The following CRPPA variants were observed in gnomAD, a reference collection of about 807,000 sequenced individuals.
The protein encoded by CRPPA is D-ribitol-5-phosphate cytidylyltransferase.
Under a neutral mutation model 52.0 loss-of-function variants are expected in CRPPA, and 43 were observed. The ratio of observed to expected loss-of-function variants is 0.83; its 90% CI spans 0.65 to 1.07. The LOEUF (loss-of-function observed/expected upper bound fraction) is 1.07, where lower values mean the gene tolerates loss of function less well. CRPPA is among the 50% of genes least tolerant of loss of function. The probability of loss-of-function intolerance (pLI) is 0.00; values close to 1 mark genes in which losing one functional copy is unlikely to be tolerated. For missense variants in CRPPA, 629 were observed against 551.7 expected, an observed-to-expected ratio of 1.14 and a Z score of -1.40; for synonymous variants, 250 against 203.5, an observed-to-expected ratio of 1.23 and a Z score of -1.94.
At chr7:16,389,874 C>A (rs551956823) in intron 2 of CRPPA, among the ~76,000 whole-genome samples, 2 of 113,956 alleles carry the variant, frequency 1.8e-5, no homozygotes, top group African/African-American at 3.5e-5. Flanking sequence ...TTAGAAGAAG[C>A]GAGTTGTCAG....
At position 16,404,679 on chromosome 7, in the gene CRPPA, T is replaced by C. The variant is rs1386611877; in HGVS notation, c.534+1382A>G. Among the ~76,000 whole-genome samples, 3 of 152,054 alleles carry C rather than the reference T, an allele frequency of 2.0e-5. No individual in the cohort carries two copies. In the East Asian group the frequency reaches 5.8e-4, roughly 29 times the overall value. ...CAATGAATGCCCATCTACCAAATTG[T>C]ATTGTCATCCCTAAGAACTCTTCCA... On this transcript the variant is annotated intron_variant, in intron 2 of 9. Transcript: ENST00000407010.
In CRPPA at chr7:16,224,346, C is replaced by T. The variant is rs572249223; in HGVS notation, c.1120-8149G>A. 5.3e-5 allele frequency among the ~76,000 whole-genome samples: 8 copies of T among 152,234 alleles called. No individual in the cohort carries two copies. In the South Asian group the frequency reaches 8.3e-4, roughly 16 times the overall value. On this transcript the variant is annotated intron_variant, in intron 8 of 9. Transcript: ENST00000407010. ...AAGGACTATAAGTAAGTATCCTGCA[C>T]GATGGTCTTTAAAACCCCACATTTA... is the stretch of plus-strand genomic sequence containing the variant.
rs995906242 is a variant in CRPPA, at chr7:16,259,009, C to A, written c.937G>T (p.Val313Leu). Residue 313 changes from valine to leucine, a missense_variant, in exon 7 of 10, where the codon GTA (valine) becomes TTA (leucine). Coordinates refer to ENST00000407010, the MANE Select transcript of CRPPA (RefSeq NM_001101426.4). ...EEVLKSELNH[V>L]KVTSEALGHA... ...CCCAGAGCCTCAGATGTGACTTTTA[C>A]ATGCTAGTAGGAAAAAACAGAAATG... The A allele has an allele frequency of 6.2e-7, 1 of 1,605,478 alleles. No homozygotes were observed. Among genetic ancestry groups the A allele is most frequent in the Non-Finnish European group, 8.5e-7 (1 of 1,175,038 alleles).
rs764236699 is a variant in CRPPA, at chr7:16,400,113, ATGACCAACACG to A, written c.534+5937_534+5947del. Among the ~76,000 whole-genome samples, 71 of 151,928 alleles carry A rather than the reference ATGACCAACACG, an allele frequency of 4.7e-4. 1 individual carries two copies. The highest frequency in any genetic ancestry group is 9.8e-4 in the Admixed American group (15 of 15,278). Reference sequence around the variant, plus strand: ...CTGTCACGTGACTGGAGTGTGATACATGACCAACACGTGACCAACATGGTTGACACGTGATT... The same window carrying A: ...CTGTCACGTGACTGGAGTGTGATACATGACCAACATGGTTGACACGTGATT... On this transcript the variant is annotated intron_variant, in intron 2 of 9. Coordinates refer to ENST00000407010, the MANE Select transcript of CRPPA (RefSeq NM_001101426.4).
chr7:16,409,326 T>C lies in CRPPA; in HGVS notation c.258-2989A>G, dbSNP rs551439318. On this transcript the variant is annotated intron_variant, in intron 1 of 9. Coordinates refer to ENST00000407010, the MANE Select transcript of CRPPA (RefSeq NM_001101426.4). ...AAATTGAGACTTCTGACCTCCAAAATTGTAAGAGAATGTGGTTTTAAGCCA... is the reference window on the plus strand; with the variant it reads ...AAATTGAGACTTCTGACCTCCAAAACTGTAAGAGAATGTGGTTTTAAGCCA... Among the ~76,000 whole-genome samples the C allele has an allele frequency of 2.3e-3, 352 of 152,276 alleles. 1 individual carries two copies. Among genetic ancestry groups the C allele is most frequent in the Non-Finnish European group, 4.1e-3 (276 of 68,022 alleles).
At chr7:16,106,771 T>A (rs1225732676) in intron 9 of CRPPA, among the ~76,000 whole-genome samples, 1 of 151,998 alleles carries the variant, frequency 6.6e-6, no homozygotes, top group African/African-American at 2.4e-5. Flanking sequence ...AAGAAAGTAA[T>A]AAAGCCCCAA....
intron 9 of CRPPA, among the ~76,000 whole-genome samples, chr7:16,145,953 T>C (rs912705473): frequency 6.6e-6 from 1 of 152,026 alleles, no homozygotes; most frequent in Admixed American, 6.5e-5. Flanking sequence ...GAATTGAACA[T>C]CCAGCTCTTC....
chr7:16,352,921 A>G (rs1424271188), intron 3 of CRPPA, among the ~76,000 whole-genome samples: 2 of 115,214 alleles, frequency 1.7e-5, no homozygotes, highest in African/African-American at 3.1e-5. Context: ...ACACACACAC[A>G]CACATTGGAG....
chr7:16,159,209 G>C lies in CRPPA; in HGVS notation c.1251+56857C>G, dbSNP rs1308691273. On this transcript the variant is annotated intron_variant, in intron 9 of 9. Transcript: ENST00000407010. ...AGGTGGGCAGATCACCTAAGGTCAG[G>C]AGTTTGAGACCAGCCTGGCCAACAT... 2.0e-5 allele frequency among the ~76,000 whole-genome samples: 3 copies of C among 152,252 alleles called. No individual in the cohort carries two copies. In the East Asian group the frequency reaches 5.8e-4, roughly 29 times the overall value.
intron 9 of CRPPA, among the ~76,000 whole-genome samples, chr7:16,118,315 C>A (rs1193440789): frequency 1.3e-5 from 2 of 152,152 alleles, no homozygotes; most frequent in Non-Finnish European, 2.9e-5. Context: ...GGAAGAAAGC[C>A]AGCCAACCAA....
In CRPPA at chr7:16,398,706, C is replaced by G. The variant is rs747640271; in HGVS notation, c.534+7355G>C. On this transcript the variant is annotated intron_variant, in intron 2 of 9. Coordinates refer to ENST00000407010, the MANE Select transcript of CRPPA (RefSeq NM_001101426.4). ...GTGACTGACACGATTGGCATCTAAT[C>G]AACACGTGGGTGACACGTGACCAAC... 2.6e-5 allele frequency among the ~76,000 whole-genome samples: 4 copies of G among 151,974 alleles called. No homozygotes were observed. The South Asian group carries it at 6.2e-4, about 24-fold the overall frequency.
At chr7:16,130,536 CA>C (rs1465039683) in intron 9 of CRPPA, among the ~76,000 whole-genome samples, 3 of 151,934 alleles carry the variant, frequency 2.0e-5, no homozygotes, top group African/African-American at 7.2e-5. Context: ...AATGGATTTC[CA>C]AAGGGCAAGA....
At chr7:16,236,948 G>A (rs368714434) in intron 8 of CRPPA, among the ~76,000 whole-genome samples, 22 of 141,018 alleles carry the variant, frequency 1.6e-4, no homozygotes, top group South Asian at 4.5e-4. Context: ...TTTCGTGCGC[G>A]CGCACACACA....
intron 5 of CRPPA, among the ~76,000 whole-genome samples, chr7:16,296,800 CATT>C (rs1784683961): frequency 6.6e-6 from 1 of 152,162 alleles, no homozygotes; most frequent in South Asian, 2.1e-4. Context: ...AGAAATCTGT[CATT>C]ACAACATTAT....
At chr7:16,293,122 T>C (rs2087083605) in intron 5 of CRPPA, among the ~76,000 whole-genome samples, 1 of 151,786 alleles carries the variant, frequency 6.6e-6, no homozygotes, top group Non-Finnish European at 1.5e-5. Flanking sequence ...TCAGTAACAA[T>C]GGAAGAAAGG....
At chr7:16,211,795 G>T (rs530371011) in intron 9 of CRPPA, among the ~76,000 whole-genome samples, 1 of 152,206 alleles carries the variant, frequency 6.6e-6, no homozygotes, top group South Asian at 2.1e-4. Flanking sequence ...GTTGACCTAA[G>T]GTAATTACAA....
At chr7:16,414,961 C>T (rs1583591670) in intron 1 of CRPPA, among the ~76,000 whole-genome samples, 1 of 152,164 alleles carries the variant, frequency 6.6e-6, no homozygotes, top group East Asian at 1.9e-4. Context: ...TATGTCTATA[C>T]ATGTACATGA....
At chr7:16,153,452 C>G (rs977864450) in intron 9 of CRPPA, among the ~76,000 whole-genome samples, 1 of 152,098 alleles carries the variant, frequency 6.6e-6, no homozygotes, top group South Asian at 2.1e-4. Context: ...TACAATATTA[C>G]CTTTTAGAGA....
intron 2 of CRPPA, among the ~76,000 whole-genome samples, chr7:16,401,692 C>G (rs370945563): frequency 6.6e-6 from 1 of 152,202 alleles, no homozygotes; most frequent in African/African-American, 2.4e-5. Flanking sequence ...TCTCCACATT[C>G]CAACTTACTT....
Sources: gnomAD v4.1 joint callset for allele counts (sites outside exome capture counted in the v4.1 genomes callset) on GRCh38, gnomAD v4.1.1 for gene constraint, MANE v1.5 for transcripts, NCBI Gene and HGNC (gene_info 2026-07-23, HGNC 2026-07-21) for gene names.